The following GABRR3 variants were observed in gnomAD, a reference collection of about 807,000 sequenced individuals.
GABRR3 encodes the protein gamma-aminobutyric acid type A receptor subunit rho3.
In GABRR3, 29 loss-of-function variants were observed where a neutral mutation model predicts 43.2. The observed-to-expected ratio is 0.67, with a 90% CI of 0.50 to 0.92. The LOEUF (loss-of-function observed/expected upper bound fraction) is 0.92, where lower values mean the gene tolerates loss of function less well. Among genes scored for constraint, GABRR3 ranks in the 40% least tolerant of loss-of-function variants. GABRR3 has a pLI of 0.00. For synonymous variants in GABRR3, 206 were observed against 195.9 expected, an observed-to-expected ratio of 1.05 and a Z score of -0.43; for missense variants, 576 against 572.3, an observed-to-expected ratio of 1.01 and a Z score of -0.07.
intron 7 of GABRR3, among the ~76,000 whole-genome samples, chr3:98,004,448 T>C (rs1462869507): frequency 6.6e-6 from 1 of 152,174 alleles, no homozygotes; most frequent in African/African-American, 2.4e-5. Context: ...ACTTAGGCAG[T>C]CTGTTTCTAC....
exon 10 of GABRR3, chr3:97,986,725 C>T (rs781504782): frequency 1.3e-5 from 21 of 1,577,162 alleles, no homozygotes; most frequent in Non-Finnish European, 1.7e-5. Context: ...ATAAAATATA[C>T]ACAATGGGGA....
intron 2 of GABRR3, among the ~76,000 whole-genome samples, chr3:98,033,902 C>A (rs1275191682): frequency 6.6e-6 from 1 of 152,052 alleles, no homozygotes; most frequent in East Asian, 1.9e-4. Context: ...TAACACACTT[C>A]TTTTGGTTTT....
intron 3 of GABRR3, among the ~76,000 whole-genome samples, chr3:98,020,545 A>T (rs898388863): frequency 2.6e-5 from 4 of 151,596 alleles, no homozygotes; most frequent in African/African-American, 7.3e-5. Flanking sequence ...ACTTGCAGCT[A>T]GTACCTCATG....
intron 5 of GABRR3, among the ~76,000 whole-genome samples, chr3:98,011,249 T>C (rs1406141251): frequency 1.3e-5 from 2 of 152,158 alleles, no homozygotes; most frequent in Admixed American, 6.5e-5. Context: ...TCTGTATGAG[T>C]TTCCTACTGC....
chr3:98,000,648 T>C (rs1318583030), intron 8 of GABRR3: 1 of 152,162 alleles, frequency 6.6e-6, no homozygotes, highest in Non-Finnish European at 1.5e-5. Context: ...ATGCATATAA[T>C]TTGTGAACAT....
At chr3:98,001,533 C>T in intron 8 of GABRR3, 82 bp downstream of exon 8, 1 of 1,437,292 alleles carries the variant, frequency 7.0e-7, no homozygotes, top group Admixed American at 1.9e-5. Flanking sequence ...CTCTCTTTTC[C>T]TCTCCATGTA....
At chr3:98,027,255 T>C (rs1407497627) in intron 2 of GABRR3, among the ~76,000 whole-genome samples, 1 of 152,230 alleles carries the variant, frequency 6.6e-6, no homozygotes, top group African/African-American at 2.4e-5. Flanking sequence ...TTGGGCCCTA[T>C]GCCTAGAGCT....
intron 2 of GABRR3, among the ~76,000 whole-genome samples, chr3:98,030,771 C>A (rs1435938219): frequency 1.3e-5 from 2 of 152,260 alleles, no homozygotes; most frequent in East Asian, 3.9e-4. Flanking sequence ...TTACTGTGAA[C>A]CAGTGCACAC....
chr3:98,028,780 T>G (rs570436826), intron 2 of GABRR3, among the ~76,000 whole-genome samples: 2 of 152,284 alleles, frequency 1.3e-5, no homozygotes, highest in East Asian at 3.9e-4. Context: ...ATACCTTGCA[T>G]CTACCCTTAG....
intron 9 of GABRR3, among the ~76,000 whole-genome samples, chr3:97,987,208 A>G (rs566765860): frequency 6.6e-6 from 1 of 152,306 alleles, no homozygotes; most frequent in African/African-American, 2.4e-5. Flanking sequence ...TGATCCATTT[A>G]TGCTTAAACT....
At chr3:98,008,832 T>G in intron 6 of GABRR3, 124 bp downstream of exon 6, 1 of 408,340 alleles carries the variant, frequency 2.4e-6, no homozygotes, top group Non-Finnish European at 4.3e-6. Flanking sequence ...GCCACAATTG[T>G]TTCAGTTTTG....
At chr3:98,017,809 A>G in intron 3 of GABRR3, 87 bp from the exon 4 acceptor site, 1 of 908,418 alleles carries the variant, frequency 1.1e-6, no homozygotes, top group Non-Finnish European at 1.7e-6. Context: ...ATTCTCTTGG[A>G]CAGCAACTGA....
chr3:98,018,022 G>A (rs950304930), intron 3 of GABRR3, among the ~76,000 whole-genome samples: 2 of 119,936 alleles, frequency 1.7e-5, no homozygotes, highest in Admixed American at 1.7e-4. Flanking sequence ...TTTTTTTTTA[G>A]TTTTTTATTC....
At chr3:97,995,960 C>A (rs923345719) in intron 8 of GABRR3, among the ~76,000 whole-genome samples, 1 of 152,076 alleles carries the variant, frequency 6.6e-6, no homozygotes, top group Non-Finnish European at 1.5e-5. Context: ...TTAGTCTGAC[C>A]CTTTGATTCA....
intron 2 of GABRR3, 108 bp downstream of exon 2, chr3:98,034,755 A>G: frequency 7.5e-7 from 1 of 1,339,660 alleles, no homozygotes; most frequent in Non-Finnish European, 1.0e-6. Context: ...ACATGGTTAC[A>G]AAGATGTGCT....
At chr3:97,989,772 A>G (rs1241614797) in intron 9 of GABRR3, among the ~76,000 whole-genome samples, 2 of 152,084 alleles carry the variant, frequency 1.3e-5, no homozygotes, top group Admixed American at 6.5e-5. Flanking sequence ...CCTTCCAGGG[A>G]TAGGCCTGAA....
rs76553155 is a variant in GABRR3 at position 98,008,336 on chromosome 3, A to G, written c.614-432T>C. The stretch of plus-strand genomic sequence containing the variant: ...GGGCCAATCTTACAAGAAATTTTCT[A>G]AAGTCAAATAGTGGTATGGAAAATT... On this transcript the variant is annotated intron_variant, in intron 6 of 9. Transcript: ENST00000621172. Among the ~76,000 whole-genome samples, 815 of 152,348 alleles carry G rather than the reference A, an allele frequency of 5.3e-3. 2 individuals are homozygous for G. The highest frequency in any genetic ancestry group is 0.01 in the Middle Eastern group (3 of 294).
chr3:98,017,640 C>T lies in GABRR3; in HGVS notation c.306+15G>A. On this transcript the variant is annotated intron_variant, in intron 4 of 9. Transcript: ENST00000621172. The stretch of plus-strand genomic sequence containing the variant: ...TCTTTTCAGAAAAAGAGCAATATCC[C>T]ATGAAGAAACTTACCATGTTAGTCT... 1.3e-6 allele frequency: 2 copies of T among 1,594,594 alleles called. No individual in the cohort carries two copies. The highest frequency in any genetic ancestry group is 1.1e-5 in the South Asian group (1 of 88,772).
intron 4 of GABRR3, among the ~76,000 whole-genome samples, chr3:98,016,492 C>T (rs1706874979): frequency 1.3e-5 from 2 of 152,094 alleles, no homozygotes; most frequent in Admixed American, 6.6e-5. Flanking sequence ...CCTTGTATGG[C>T]CTGCAGAACC....
Sources: allele counts gnomAD v4.1 joint callset (sites outside exome capture counted in the v4.1 genomes callset), GRCh38; gene constraint gnomAD v4.1.1; transcripts MANE v1.5; gene names NCBI Gene and HGNC (gene_info 2026-07-23, HGNC 2026-07-21).